The following UBE2R2 variants were observed in gnomAD, a reference collection of about 807,000 sequenced individuals.
The protein encoded by UBE2R2 is ubiquitin conjugating enzyme E2 R2, also known as ubiquitin-conjugating enzyme E2 R2.
A neutral mutation model predicts 27.8 loss-of-function variants in UBE2R2; 1 was observed. The ratio of observed to expected loss-of-function variants is 0.04; its 90% CI spans 0.01 to 0.17. The LOEUF (loss-of-function observed/expected upper bound fraction) is 0.17, where lower values mean the gene tolerates loss of function less well. Among genes scored for constraint, UBE2R2 ranks in the 10% least tolerant of loss-of-function variants. UBE2R2 has a pLI of 1.00. For missense variants in UBE2R2, 100 were observed against 291.0 expected (o/e 0.34, Z 4.78); for synonymous variants, 106 against 113.3 (o/e 0.94, Z 0.41).
intron 1 of UBE2R2, among the ~76,000 whole-genome samples, chr9:33,875,144 A>G (rs954176667): frequency 2.0e-5 from 3 of 152,122 alleles, no homozygotes; most frequent in Non-Finnish European, 4.4e-5. Context: ...AAAACTTTAA[A>G]TGAAAATTAC....
chr9:33,832,015 A>G (rs541751541), intron 1 of UBE2R2, among the ~76,000 whole-genome samples: 1 of 151,986 alleles, frequency 6.6e-6, no homozygotes, highest in South Asian at 2.1e-4. Context: ...GCAATCACTA[A>G]TAAATTATTT....
chr9:33,820,151 G>A (rs1392787113), intron 1 of UBE2R2, among the ~76,000 whole-genome samples: 1 of 152,158 alleles, frequency 6.6e-6, no homozygotes, highest in African/African-American at 2.4e-5. Flanking sequence ...GAAAATAATG[G>A]GTTGCAAGTT....
intron 1 of UBE2R2, among the ~76,000 whole-genome samples, chr9:33,880,773 T>A (rs904463280): frequency 6.6e-6 from 1 of 152,168 alleles, no homozygotes; most frequent in Non-Finnish European, 1.5e-5. Flanking sequence ...AGGCATTAGA[T>A]TCTCAAGGAG....
rs547316792 is a variant in UBE2R2 at position 33,858,956 on chromosome 9, G to A, written c.178-27925G>A. ...TTCTCCTGCCTCAGCCTCCCAAGTA[G>A]CTGGGATTACAGGTGCCTGCCACCA... On this transcript the variant is annotated intron_variant, in intron 1 of 4. Coordinates refer to ENST00000263228, the MANE Select transcript of UBE2R2 (RefSeq NM_017811.4). Among the ~76,000 whole-genome samples, 27 of 152,014 alleles carry A rather than the reference G, an allele frequency of 1.8e-4. No individual in the cohort carries two copies. The South Asian group carries it at 5.6e-3, about 32-fold the overall frequency.
Position 33,886,213 on chromosome 9 carries a change from G to A in UBE2R2, c.178-668G>A, listed in dbSNP as rs559689711. Among the ~76,000 whole-genome samples, 79 of 152,206 alleles carry A rather than the reference G, an allele frequency of 5.2e-4. 1 individual carries two copies. In the South Asian group the frequency reaches 0.014, roughly 28 times the overall value. On this transcript the variant is annotated intron_variant, in intron 1 of 4. Transcript: ENST00000263228. ...TTATGTGAGTAAAAAGAAAAATACC[G>A]TTGTTCCATATTGTGTACTCTAAAA...
At chr9:33,894,609 TG>T (rs909445467) in intron 2 of UBE2R2, among the ~76,000 whole-genome samples, 11 of 151,476 alleles carry the variant, frequency 7.3e-5, no homozygotes, top group Admixed American at 2.0e-4. Context: ...AGTAAAATTT[TG>T]GGGGGGGCCA....
At chr9:33,872,684 G>A (rs1190305705) in intron 1 of UBE2R2, among the ~76,000 whole-genome samples, 1 of 151,992 alleles carries the variant, frequency 6.6e-6, no homozygotes, top group African/African-American at 2.4e-5. Flanking sequence ...TACTCAGGAG[G>A]CTGAGGCAGG....
chr9:33,898,540 T>C (rs970888699), intron 2 of UBE2R2, among the ~76,000 whole-genome samples: 3 of 152,164 alleles, frequency 2.0e-5, no homozygotes, highest in African/African-American at 7.2e-5. Flanking sequence ...TGTCTAAATT[T>C]GGGTTGTATA....
chr9:33,843,656 T>C (rs1820779286), intron 1 of UBE2R2, among the ~76,000 whole-genome samples: 1 of 151,940 alleles, frequency 6.6e-6, no homozygotes, highest in South Asian at 2.1e-4. Context: ...TTTTAGTATT[T>C]TTGGTAGAGA....
At chr9:33,821,114 A>T (rs185267545) in intron 1 of UBE2R2, among the ~76,000 whole-genome samples, 1 of 152,348 alleles carries the variant, frequency 6.6e-6, no homozygotes, top group East Asian at 1.9e-4. Flanking sequence ...TTGTGGATCA[A>T]GTCAGTAGCT....
chr9:33,820,431 C>T (rs763256628), intron 1 of UBE2R2, among the ~76,000 whole-genome samples: 8 of 152,132 alleles, frequency 5.3e-5, no homozygotes, highest in Admixed American at 1.3e-4. Context: ...ATTGTATTTT[C>T]GACTACTTTT....
At chr9:33,873,603 G>A (rs1429151265) in intron 1 of UBE2R2, among the ~76,000 whole-genome samples, 2 of 152,222 alleles carry the variant, frequency 1.3e-5, no homozygotes, top group South Asian at 4.1e-4. Context: ...GATTTCATAT[G>A]TACACAATTT....
intron 2 of UBE2R2, among the ~76,000 whole-genome samples, chr9:33,897,735 A>G (rs1264009958): frequency 1.3e-5 from 2 of 149,598 alleles, no homozygotes; most frequent in African/African-American, 4.9e-5. Context: ...CCTCCCACGC[A>G]TTCACTGCCC....
chr9:33,827,352 A>T (rs1272862864), intron 1 of UBE2R2, among the ~76,000 whole-genome samples: 3 of 152,034 alleles, frequency 2.0e-5, no homozygotes, highest in African/African-American at 7.2e-5. Context: ...TAAATTAAAA[A>T]TAAATAGGCT....
At chr9:33,875,965 A>G (rs1273812701) in intron 1 of UBE2R2, among the ~76,000 whole-genome samples, 1 of 152,240 alleles carries the variant, frequency 6.6e-6, no homozygotes, top group Non-Finnish European at 1.5e-5. Flanking sequence ...AAAGGGAAGA[A>G]ATTTCAGTGA....
At chr9:33,911,184 G>A (rs1473895217) in intron 3 of UBE2R2, among the ~76,000 whole-genome samples, 3 of 151,376 alleles carry the variant, frequency 2.0e-5, no homozygotes, top group Admixed American at 6.6e-5. Flanking sequence ...TGAGGAGGGC[G>A]GATCACCTGA....
In UBE2R2 at chr9:33,817,590, C is replaced by T; in HGVS notation, c.-168C>T. ...CGTCGTGTGTGAGGAGGACCCCGGG[C>T]GGGCCCACGGGCCGTGTGGGGCCTG... is the stretch of plus-strand genomic sequence containing the variant. On this transcript the variant is annotated 5_prime_UTR_variant, in exon 1 of 5. Transcript: ENST00000263228. 2.9e-6 allele frequency: 2 copies of T among 701,336 alleles called. No individual in the cohort carries two copies. Among genetic ancestry groups the T allele is most frequent in the East Asian group, 8.1e-5 (1 of 12,384 alleles). 43.4% of individuals were successfully genotyped at this position (701,336 alleles called of 1,614,324 possible).
chr9:33,901,581 C>G lies in UBE2R2; in HGVS notation c.362+1310C>G, dbSNP rs114925043. 5.5e-3 allele frequency among the ~76,000 whole-genome samples: 843 copies of G among 152,192 alleles called. 8 individuals carry two copies. Among genetic ancestry groups the G allele is most frequent in the African/African-American group, 0.02 (817 of 41,530 alleles). On this transcript the variant is annotated intron_variant, in intron 3 of 4. Transcript: ENST00000263228. ...TTTGTTTATTCAATCATTTGTTAAA[C>G]ATTTTTACTGATACAAAAACTAATA...
chr9:33,872,069 A>C (rs1363534281), intron 1 of UBE2R2, among the ~76,000 whole-genome samples: 1 of 151,926 alleles, frequency 6.6e-6, no homozygotes, highest in African/African-American at 2.4e-5. Context: ...ACTTTACCTC[A>C]TGAATAATTT....
Sources: gnomAD v4.1 joint callset for allele counts (sites outside exome capture counted in the v4.1 genomes callset) on GRCh38, gnomAD v4.1.1 for gene constraint, MANE v1.5 for transcripts, NCBI Gene and HGNC (gene_info 2026-07-23, HGNC 2026-07-21) for gene names.